Variants in MOB3B observed in about 807,000 individuals in gnomAD.
MOB3B encodes MOB kinase activator-like 2B.
In MOB3B, 7 loss-of-function variants were observed where a neutral mutation model predicts 18.7. The ratio of observed to expected loss-of-function variants is 0.37; its 90% CI spans 0.21 to 0.70. MOB3B has a LOEUF of 0.70. MOB3B is among the 30% of genes least tolerant of loss of function. The pLI is 0.52. For missense variants in MOB3B, 253 were observed against 281.3 expected, an observed-to-expected ratio of 0.90 and a Z score of 0.72; for synonymous variants, 111 against 99.9, an observed-to-expected ratio of 1.11 and a Z score of -0.66.
At chr9:27,528,690 A>G (rs1178186052) in intron 1 of MOB3B, among the ~76,000 whole-genome samples, 2 of 152,122 alleles carry the variant, frequency 1.3e-5, no homozygotes, top group Non-Finnish European at 2.9e-5. Flanking sequence ...AAACGCGGAG[A>G]AACAAAAGGC....
At position 27,340,068 on chromosome 9, in the gene MOB3B, C is replaced by A. The variant is rs187061975; in HGVS notation, c.622-9452G>T. On this transcript the variant is annotated intron_variant, in intron 3 of 3. Coordinates refer to ENST00000262244, the MANE Select transcript of MOB3B (RefSeq NM_024761.5). ...GAATGTGGGTGGCAAATAAGCCAAA[C>A]GAAATAAAAATAGAAACAAGGCAGG... is the stretch of plus-strand genomic sequence containing the variant. Among the ~76,000 whole-genome samples the A allele has an allele frequency of 3.2e-3, 487 of 152,278 alleles. 4 individuals are homozygous for A. Among genetic ancestry groups the A allele is most frequent in the African/African-American group, 0.011 (475 of 41,564 alleles).
intron 2 of MOB3B, among the ~76,000 whole-genome samples, chr9:27,380,879 G>A (rs1412211168): frequency 6.6e-6 from 1 of 152,150 alleles, no homozygotes; most frequent in Non-Finnish European, 1.5e-5. Context: ...GAAGATGTCT[G>A]GGGCTTTCCA....
chr9:27,363,637 G>C (rs1012916531), intron 2 of MOB3B, among the ~76,000 whole-genome samples: 3 of 152,094 alleles, frequency 2.0e-5, no homozygotes, highest in Admixed American at 1.3e-4. Flanking sequence ...GGCCACAAGG[G>C]TAAAAGGAGA....
At chr9:27,439,730 G>A (rs1822565422) in intron 2 of MOB3B, among the ~76,000 whole-genome samples, 1 of 152,050 alleles carries the variant, frequency 6.6e-6, no homozygotes. Flanking sequence ...TCATGTTTGT[G>A]TTTTATGCAA....
chr9:27,512,977 C>A (rs1181040257), intron 1 of MOB3B, among the ~76,000 whole-genome samples: 1 of 151,736 alleles, frequency 6.6e-6, no homozygotes, highest in Non-Finnish European at 1.5e-5. Flanking sequence ...GAAATTCAAG[C>A]CTCAACCTCA....
intron 2 of MOB3B, among the ~76,000 whole-genome samples, chr9:27,413,174 C>A (rs1368342813): frequency 1.3e-5 from 2 of 152,210 alleles, no homozygotes; most frequent in Admixed American, 1.3e-4. Context: ...TCTGCCATAT[C>A]TCCATGGCTC....
chr9:27,430,732 G>A (rs1379710603), intron 2 of MOB3B, among the ~76,000 whole-genome samples: 1 of 152,070 alleles, frequency 6.6e-6, no homozygotes, highest in Admixed American at 6.6e-5. Flanking sequence ...AAACACAAAA[G>A]CTCATTTGGC....
intron 1 of MOB3B, among the ~76,000 whole-genome samples, chr9:27,489,173 G>A (rs1819776309): frequency 6.6e-6 from 1 of 152,200 alleles, no homozygotes; most frequent in South Asian, 2.1e-4. Flanking sequence ...TTTGTCAACC[G>A]TATTTCCATT....
At chr9:27,346,422 C>T (rs1292842961) in intron 3 of MOB3B, among the ~76,000 whole-genome samples, 1 of 152,186 alleles carries the variant, frequency 6.6e-6, no homozygotes, top group Non-Finnish European at 1.5e-5. Context: ...GTTATTTCAC[C>T]TCTGCATCTG....
In MOB3B at chr9:27,455,449, A is replaced by G; in HGVS notation, c.102T>C (p.Ala34=). The change falls in exon 2 of 4, where the codon GCT becomes GCC. Residue 34 remains alanine (A), a synonymous_variant. Coordinates refer to ENST00000262244, the MANE Select transcript of MOB3B (RefSeq NM_024761.5). ...CCACACCCGAGTTGAGGGATGCCTG[A>G]GCCCGTTTGTGCAGCTCAAACCTCT... ...GTQRFELHKR[A]QASLNSGVDL... is the part of the protein sequence containing the mutation. The G allele has an allele frequency of 6.2e-7, 1 of 1,614,190 alleles. No individual in the cohort carries two copies. Among genetic ancestry groups the G allele is most frequent in the South Asian group, 1.1e-5 (1 of 91,080 alleles).
chr9:27,353,039 G>T (rs930120066), intron 3 of MOB3B, among the ~76,000 whole-genome samples: 1 of 152,184 alleles, frequency 6.6e-6, no homozygotes, highest in Non-Finnish European at 1.5e-5. Context: ...CTGATCTTCA[G>T]ATTTTTCTCC....
intron 2 of MOB3B, among the ~76,000 whole-genome samples, chr9:27,363,768 G>A (rs891790679): frequency 3.9e-5 from 6 of 152,060 alleles, no homozygotes; most frequent in African/African-American, 1.4e-4. Context: ...TAAGGACAGG[G>A]TTTTACTCTG....
chr9:27,351,499 G>A (rs1049018855), intron 3 of MOB3B, among the ~76,000 whole-genome samples: 7 of 152,254 alleles, frequency 4.6e-5, no homozygotes, highest in Admixed American at 4.6e-4. Flanking sequence ...CAGCTTCACA[G>A]GCTGCAGCTC....
intron 1 of MOB3B, among the ~76,000 whole-genome samples, chr9:27,476,249 A>G (rs1243658248): frequency 6.6e-6 from 1 of 152,224 alleles, no homozygotes; most frequent in African/African-American, 2.4e-5. Flanking sequence ...ATAGAAATGT[A>G]CTGTCTCAGT....
At position 27,445,120 on chromosome 9, in the gene MOB3B, T is replaced by TA. The variant is rs1822670094; in HGVS notation, c.418+10012dup. Among the ~76,000 whole-genome samples the TA allele has an allele frequency of 2.0e-5, 3 of 152,224 alleles. No homozygotes were observed. The South Asian group carries it at 6.2e-4, about 31-fold the overall frequency. ...AAAATTCTCCTATGTAATCAAGCAG[T>TA]AAAAGCTGTAATAAATCAGAGGTTT... On this transcript the variant is annotated intron_variant, in intron 2 of 3. Coordinates refer to ENST00000262244, the MANE Select transcript of MOB3B (RefSeq NM_024761.5).
chr9:27,469,820 T>A (rs980348384), intron 1 of MOB3B, among the ~76,000 whole-genome samples: 14 of 152,212 alleles, frequency 9.2e-5, no homozygotes, highest in African/African-American at 3.1e-4. Context: ...GCGTGGTAGC[T>A]GACACCTAGA....
At chr9:27,449,786 G>A (rs957538662) in intron 2 of MOB3B, among the ~76,000 whole-genome samples, 4 of 152,022 alleles carry the variant, frequency 2.6e-5, no homozygotes, top group Non-Finnish European at 4.4e-5. Flanking sequence ...GACCAGCCTG[G>A]CCAAGATGGC....
At chr9:27,494,000 A>G (rs1819861229) in intron 1 of MOB3B, among the ~76,000 whole-genome samples, 1 of 152,186 alleles carries the variant, frequency 6.6e-6, no homozygotes, top group Admixed American at 6.5e-5. Context: ...ATCCCTGGGA[A>G]AAAGAATACG....
In MOB3B at chr9:27,325,351, C is replaced by T. The variant is rs546431723; in HGVS notation, c.*5236G>A. ...CTTATAGTCAAATGCTTAATACAAT[C>T]ATAAATGGAACCAAAAATATAGTAA... On this transcript the variant is annotated 3_prime_UTR_variant, in exon 4 of 4. Coordinates refer to ENST00000262244, the MANE Select transcript of MOB3B (RefSeq NM_024761.5). The T allele has an allele frequency of 6.6e-6, 1 of 152,214 alleles. No homozygotes were observed. The highest frequency in any genetic ancestry group is 2.1e-4 in the South Asian group (1 of 4,818). The allele number at this position is 152,214 out of a possible 1,614,324, so 9.4% of individuals were successfully genotyped here.
Sources: allele counts gnomAD v4.1 joint callset (sites outside exome capture counted in the v4.1 genomes callset), GRCh38; gene constraint gnomAD v4.1.1; transcripts MANE v1.5; gene names NCBI Gene and HGNC (gene_info 2026-07-23, HGNC 2026-07-21).